The following NF2 variants were observed in gnomAD, a reference collection of about 807,000 sequenced individuals.
NF2 encodes the protein NF2, moesin-ezrin-radixin like (MERLIN) tumor suppressor, also known as merlin.
Under a neutral mutation model 83.7 loss-of-function variants are expected in NF2, and 8 were observed. That is an observed-to-expected ratio of 0.10 (90% CI 0.06 to 0.17). The LOEUF is 0.17. Among genes scored for constraint, NF2 ranks in the 10% least tolerant of loss-of-function variants. The pLI, the probability that NF2 is intolerant of heterozygous loss-of-function variation, is 1.00. For missense variants in NF2, 533 were observed against 744.4 expected, an observed-to-expected ratio of 0.72 and a Z score of 3.31; for synonymous variants, 266 against 269.6, an observed-to-expected ratio of 0.99 and a Z score of 0.13.
At chr22:29,663,409 G>C (rs375069686) in intron 8 of NF2, among the ~76,000 whole-genome samples, 3 of 152,222 alleles carry the variant, frequency 2.0e-5, no homozygotes, top group African/African-American at 7.2e-5. Context: ...GCAGTAAGCA[G>C]ACCCCAAGCT....
intron 8 of NF2, among the ~76,000 whole-genome samples, chr22:29,663,547 G>A (rs138775596): frequency 3.3e-5 from 5 of 152,302 alleles, no homozygotes; most frequent in Admixed American, 6.5e-5. Flanking sequence ...CAGAGCCTGC[G>A]GTTTCCCCAC....
intron 1 of NF2, chr22:29,609,275 A>G (rs1275924782): frequency 5.7e-6 from 4 of 703,738 alleles, no homozygotes; most frequent in Admixed American, 1.8e-5. Flanking sequence ...GCATAAATTC[A>G]TGGAAGATAT....
At chr22:29,683,093 G>A (rs764190362) in intron 15 of NF2, 1 of 1,614,196 alleles carries the variant, frequency 6.2e-7, no homozygotes, top group South Asian at 1.1e-5. Flanking sequence ...CTCTCTATGT[G>A]GTGATGGTGC....
chr22:29,691,100 G>T (rs866089811), intron 15 of NF2, among the ~76,000 whole-genome samples: 3 of 152,220 alleles, frequency 2.0e-5, no homozygotes, highest in Non-Finnish European at 4.4e-5. Context: ...AGGTGCTTCT[G>T]CTTCATTACC....
At chr22:29,610,951 A>G (rs1193382226) in intron 1 of NF2, among the ~76,000 whole-genome samples, 3 of 152,236 alleles carry the variant, frequency 2.0e-5, no homozygotes, top group Non-Finnish European at 4.4e-5. Context: ...ATCCAGTAAC[A>G]TATAAAAATA....
chr22:29,691,776 G>A (rs939239835), intron 15 of NF2, among the ~76,000 whole-genome samples: 1 of 152,200 alleles, frequency 6.6e-6, no homozygotes, highest in Admixed American at 6.5e-5. Context: ...TGCTCCGCGG[G>A]GTGGCTTCCC....
intron 1 of NF2, among the ~76,000 whole-genome samples, chr22:29,612,410 C>A (rs1342709671): frequency 6.6e-6 from 1 of 151,702 alleles, no homozygotes; most frequent in African/African-American, 2.4e-5. Context: ...GCAGCCTAGA[C>A]CTTCCAGGCT....
rs536446876 is a variant in NF2, at chr22:29,611,518, AAAAC to A, written c.114+7426_114+7429del. Among the ~76,000 whole-genome samples the A allele has an allele frequency of 9.5e-4, 144 of 152,222 alleles. 1 individual carries two copies. Among genetic ancestry groups the A allele is most frequent in the African/African-American group, 2.8e-3 (115 of 41,546 alleles). Reference sequence around the variant, plus strand: ...CACAATAGGCTGGGCGACAGAGCTCAAAACAAACAAACAAACAAACAAAATAGTG... The same window carrying A: ...CACAATAGGCTGGGCGACAGAGCTCAAAACAAACAAACAAACAAAATAGTG... On this transcript the variant is annotated intron_variant, in intron 1 of 15. Coordinates refer to ENST00000338641, the MANE Select transcript of NF2 (RefSeq NM_000268.4).
chr22:29,697,138 T>C lies in NF2; in HGVS notation c.*2336T>C, dbSNP rs904202322. ...GGTCTCTTCTCAGTCTTGAAGCCCA[T>C]CCCTGGATTTCCACCAGGAGTTACT... On this transcript the variant is annotated 3_prime_UTR_variant, in exon 16 of 16. Coordinates refer to ENST00000338641, the MANE Select transcript of NF2 (RefSeq NM_000268.4). 5.0e-6 allele frequency: 1 copy of C among 201,264 alleles called. No homozygotes were observed. The highest frequency in any genetic ancestry group is 2.3e-5 in the African/African-American group (1 of 43,512). The allele number at this position is 201,264 out of a possible 1,614,324, so 12.5% of individuals were successfully genotyped here.
At chr22:29,678,397 G>A (rs1411968136) in intron 14 of NF2, 74 bp downstream of exon 14, 2 of 1,583,168 alleles carry the variant, frequency 1.3e-6, no homozygotes, top group Non-Finnish European at 1.7e-6. Flanking sequence ...GGAAGCTGGG[G>A]CAGAGGTGAG....
intron 12 of NF2, among the ~76,000 whole-genome samples, chr22:29,673,705 G>A (rs547442310): frequency 6.6e-6 from 1 of 152,324 alleles, no homozygotes; most frequent in Admixed American, 6.5e-5. Flanking sequence ...CTCCAGGGGG[G>A]CCTCTCTGGT....
intron 15 of NF2, chr22:29,683,528 T>C: frequency 8.9e-7 from 1 of 1,122,864 alleles, no homozygotes; most frequent in South Asian, 3.4e-5. Flanking sequence ...TGGCAGCTTC[T>C]GGTAGTGGGG....
At chr22:29,662,788 C>T (rs953772001) in intron 8 of NF2, among the ~76,000 whole-genome samples, 7 of 152,170 alleles carry the variant, frequency 4.6e-5, no homozygotes, top group African/African-American at 1.2e-4. Flanking sequence ...CCACAGCCCC[C>T]GCCTTTCAGG....
intron 1 of NF2, among the ~76,000 whole-genome samples, chr22:29,632,960 C>T (rs1319286378): frequency 1.3e-5 from 2 of 152,158 alleles, no homozygotes; most frequent in African/African-American, 4.8e-5. Flanking sequence ...AAGTCCCGTC[C>T]ACACCCCAAG....
intron 1 of NF2, among the ~76,000 whole-genome samples, chr22:29,607,010 C>T (rs1452183447): frequency 2.6e-5 from 4 of 152,162 alleles, no homozygotes; most frequent in Admixed American, 6.6e-5. Context: ...CGCCACTGCA[C>T]TCCAGCCTGG....
chr22:29,639,881 CAAAAAAAAAAAAA>C (rs763315832), intron 3 of NF2, among the ~76,000 whole-genome samples: 4 of 21,200 alleles, frequency 1.9e-4, no homozygotes, highest in Admixed American at 1.8e-3. Flanking sequence ...GGTTCCGTCT[CAAAAAAAAAAAAA>C]AAAAAAAAAA....
At chr22:29,608,243 A>C (rs905013167) in intron 1 of NF2, among the ~76,000 whole-genome samples, 4 of 151,408 alleles carry the variant, frequency 2.6e-5, no homozygotes, top group Non-Finnish European at 5.9e-5. Context: ...TCAGGACTCA[A>C]TAACAGATTT....
intron 4 of NF2, among the ~76,000 whole-genome samples, chr22:29,645,444 A>C (rs2065956564): frequency 6.6e-6 from 1 of 152,214 alleles, no homozygotes; most frequent in South Asian, 2.1e-4. Flanking sequence ...AGTAATTGAG[A>C]AAACAGAAAA....
At chr22:29,629,806 T>G (rs1032307705) in intron 1 of NF2, among the ~76,000 whole-genome samples, 1 of 152,266 alleles carries the variant, frequency 6.6e-6, no homozygotes, top group Admixed American at 6.5e-5. Flanking sequence ...GGCTGATAAT[T>G]TAGCCCACCA....
Sources: gnomAD v4.1 joint callset for allele counts (sites outside exome capture counted in the v4.1 genomes callset) on GRCh38, gnomAD v4.1.1 for gene constraint, MANE v1.5 for transcripts, NCBI Gene and HGNC (gene_info 2026-07-23, HGNC 2026-07-21) for gene names.